The following TPD52L1 variants were observed in gnomAD, a reference collection of about 807,000 sequenced individuals.
TPD52L1 encodes the protein TPD52 like 1.
Under a neutral mutation model 28.7 loss-of-function variants are expected in TPD52L1, and 18 were observed. The observed-to-expected ratio is 0.63, with a 90% CI of 0.43 to 0.93. The LOEUF is 0.93. TPD52L1 is among the 40% of genes least tolerant of loss of function. The pLI is 0.00. For synonymous variants in TPD52L1, 75 were observed against 88.8 expected (o/e 0.84, Z 0.88); for missense variants, 203 against 254.8 (o/e 0.80, Z 1.39).
intron 1 of TPD52L1, among the ~76,000 whole-genome samples, chr6:125,187,888 A>C (rs992248634): frequency 1.3e-5 from 2 of 151,978 alleles, no homozygotes; most frequent in African/African-American, 4.8e-5. Flanking sequence ...AGAAGATATT[A>C]GTTAAACTAC....
In TPD52L1 at chr6:125,208,145, C is replaced by T. The variant is rs1435341790; in HGVS notation, c.20-11933C>T. Among the ~76,000 whole-genome samples the T allele has an allele frequency of 2.0e-5, 3 of 152,140 alleles. No homozygotes were observed. The East Asian group carries it at 5.8e-4, about 29-fold the overall frequency. On this transcript the variant is annotated intron_variant, in intron 1 of 6. Transcript: ENST00000534000. ...TGGGCATGACTCATAGAGAAGAACT[C>T]AACAAAGTTTAAGAACAGTAGATTA...
intron 1 of TPD52L1, among the ~76,000 whole-genome samples, chr6:125,219,012 C>A (rs1220337718): frequency 6.6e-6 from 1 of 152,214 alleles, no homozygotes; most frequent in Non-Finnish European, 1.5e-5. Context: ...AGACTCCTAC[C>A]CCCTAAAACC....
At chr6:125,200,635 C>G (rs1034771823) in intron 1 of TPD52L1, among the ~76,000 whole-genome samples, 1 of 152,204 alleles carries the variant, frequency 6.6e-6, no homozygotes, top group Non-Finnish European at 1.5e-5. Context: ...TTTCTCAATG[C>G]TCATACAAAT....
chr6:125,243,305 A>G (rs1796726206), intron 3 of TPD52L1, among the ~76,000 whole-genome samples: 1 of 152,092 alleles, frequency 6.6e-6, no homozygotes, highest in Non-Finnish European at 1.5e-5. Context: ...TTTTGTGAAT[A>G]ATTTCACAGG....
chr6:125,158,745 C>T (rs1366233784), intron 1 of TPD52L1, among the ~76,000 whole-genome samples: 2 of 152,028 alleles, frequency 1.3e-5, no homozygotes, highest in Non-Finnish European at 2.9e-5. Context: ...AGCAGCAGGT[C>T]CAGTCTCTTA....
Position 125,263,664 on chromosome 6 carries a change from G to T in TPD52L1, c.*702G>T. The T allele has an allele frequency of 6.6e-6, 1 of 152,546 alleles. No homozygotes were observed. The highest frequency in any genetic ancestry group is 1.9e-4 in the South Asian group (1 of 5,278). The allele number at this position is 152,546 out of a possible 1,614,324, so 9.4% of individuals were successfully genotyped here. A position where few individuals can be genotyped will look rare whatever the true frequency, so the allele number is the denominator to read the frequency against. Reference sequence around the variant, plus strand: ...AGGCCAGGAGTTAAAGATCAGCCTGGGCAACACAGACCCTGTCTCTACAAA... The same window carrying T: ...AGGCCAGGAGTTAAAGATCAGCCTGTGCAACACAGACCCTGTCTCTACAAA... On this transcript the variant is annotated 3_prime_UTR_variant, in exon 7 of 7. Coordinates refer to ENST00000534000, the MANE Select transcript of TPD52L1 (RefSeq NM_003287.4).
At chr6:125,208,804 G>A (rs1191943387) in intron 1 of TPD52L1, 1 of 502,092 alleles carries the variant, frequency 2.0e-6, no homozygotes, top group African/African-American at 2.1e-5. Flanking sequence ...CCTGAGAGTG[G>A]GCCAGGTGCT....
chr6:125,209,842 T>C (rs1159645357), intron 1 of TPD52L1, among the ~76,000 whole-genome samples: 1 of 152,214 alleles, frequency 6.6e-6, no homozygotes, highest in Admixed American at 6.5e-5. Flanking sequence ...GAAGACAAAG[T>C]GACCTCTGCA....
chr6:125,248,174 C>T, intron 3 of TPD52L1, 108 bp from the exon 4 acceptor site: 1 of 906,516 alleles, frequency 1.1e-6, no homozygotes, highest in East Asian at 2.7e-5. Flanking sequence ...GATCTTCTTC[C>T]TAAATCTGTT....
chr6:125,165,248 C>G (rs1790816698), intron 1 of TPD52L1, among the ~76,000 whole-genome samples: 1 of 151,734 alleles, frequency 6.6e-6, no homozygotes, highest in African/African-American at 2.4e-5. Context: ...TCCTACTTTT[C>G]ATTGAATATT....
At chr6:125,203,721 C>A (rs920361143) in intron 1 of TPD52L1, 1 of 985,328 alleles carries the variant, frequency 1.0e-6, no homozygotes, top group Non-Finnish European at 1.2e-6. Context: ...GGTTGAGAAT[C>A]CAGTTGGCTC....
At chr6:125,163,623 T>A (rs1462021861) in intron 1 of TPD52L1, among the ~76,000 whole-genome samples, 5 of 148,446 alleles carry the variant, frequency 3.4e-5, no homozygotes, top group African/African-American at 1.2e-4. Flanking sequence ...ACTCCAAACA[T>A]GTTATTTAAT....
At chr6:125,160,380 T>C (rs1409117356) in intron 1 of TPD52L1, among the ~76,000 whole-genome samples, 13 of 152,164 alleles carry the variant, frequency 8.5e-5, no homozygotes, top group African/African-American at 3.1e-4. Context: ...TTTTCATAGA[T>C]GAAAGGTCTT....
chr6:125,225,470 G>A (rs1795550037), intron 2 of TPD52L1, among the ~76,000 whole-genome samples: 1 of 152,160 alleles, frequency 6.6e-6, no homozygotes, highest in African/African-American at 2.4e-5. Flanking sequence ...ATTCCTGCCA[G>A]TAATGTACAA....
Position 125,172,561 on chromosome 6 carries a change from A to ATATATAATATAT in TPD52L1, c.19+18591_19+18592insTATATAATATAT, listed in dbSNP as rs1562215221. On this transcript the variant is annotated intron_variant, in intron 1 of 6. Transcript: ENST00000534000. Reference sequence around the variant, plus strand: ...ATATATATATATATATAATATATATACTATATGGCATGAAATTAGGTATAT... The same window carrying ATATATAATATAT: ...ATATATATATATATATAATATATATATATATAATATATCTATATGGCATGAAATTAGGTATAT... Among the ~76,000 whole-genome samples, 193 of 90,448 alleles carry ATATATAATATAT rather than the reference A, an allele frequency of 2.1e-3. 3 individuals are homozygous for ATATATAATATAT. Among genetic ancestry groups the ATATATAATATAT allele is most frequent in the Non-Finnish European group, 3.0e-3 (152 of 49,992 alleles). 59.3% of individuals were successfully genotyped at this position (90,448 alleles called of 152,430 possible). A position where few individuals can be genotyped will look rare whatever the true frequency, so the allele number is the denominator to read the frequency against.
At chr6:125,172,144 CT>C (rs377040397) in intron 1 of TPD52L1, among the ~76,000 whole-genome samples, 5 of 60,578 alleles carry the variant, frequency 8.3e-5, no homozygotes, top group Non-Finnish European at 1.2e-4. Flanking sequence ...TTCTTTCTTT[CT>C]TTCTTTCTTT....
chr6:125,203,866 A>G, intron 1 of TPD52L1: 1 of 853,376 alleles, frequency 1.2e-6, no homozygotes, highest in South Asian at 5.4e-5. Flanking sequence ...CTTCTAAAAC[A>G]GTTTATAAAC....
chr6:125,221,786 GT>G (rs1404093798), intron 2 of TPD52L1: 2 of 152,172 alleles, frequency 1.3e-5, no homozygotes, highest in African/African-American at 2.4e-5. Context: ...ACTCCTAAGA[GT>G]TTTTGAGCCT....
chr6:125,232,511 C>T (rs1796012216), intron 3 of TPD52L1, among the ~76,000 whole-genome samples: 1 of 152,024 alleles, frequency 6.6e-6, no homozygotes, highest in Non-Finnish European at 1.5e-5. Context: ...GAGCTATGAT[C>T]AGGTTAGGTT....
Sources: gnomAD v4.1 joint callset for allele counts (sites outside exome capture counted in the v4.1 genomes callset) on GRCh38, gnomAD v4.1.1 for gene constraint, MANE v1.5 for transcripts, NCBI Gene and HGNC (gene_info 2026-07-23, HGNC 2026-07-21) for gene names.